TRIP12: variants seen among roughly 807,000 people sequenced by gnomAD.
The protein encoded by TRIP12 is thyroid hormone receptor interactor 12.
Under a neutral mutation model 244.2 loss-of-function variants are expected in TRIP12, and 25 were observed. The ratio of observed to expected loss-of-function variants is 0.10; its 90% CI spans 0.07 to 0.14. The LOEUF (loss-of-function observed/expected upper bound fraction) is 0.14, where lower values mean the gene tolerates loss of function less well. Ranked by LOEUF, TRIP12 falls within the 10% of genes least tolerant of loss-of-function variation. TRIP12 has a pLI of 1.00. For synonymous variants in TRIP12, 905 were observed against 873.1 expected (o/e 1.04, Z -0.64); for missense variants, 1,677 against 2,486.4 (o/e 0.67, Z 6.92).
intron 21 of TRIP12, among the ~76,000 whole-genome samples, chr2:229,799,647 C>CAT (rs2043747037): frequency 6.6e-6 from 1 of 151,854 alleles, no homozygotes; most frequent in African/African-American, 2.4e-5. Context: ...TGGTGGCGGG[C>CAT]GCCTGTAGTC....
chr2:229,771,440 C>A, intron 39 of TRIP12, 79 bp downstream of exon 39: 4 of 1,235,154 alleles, frequency 3.2e-6, no homozygotes, highest in Non-Finnish European at 4.6e-6. Context: ...TGCAACAATA[C>A]GGTCTTTGAC....
intron 1 of TRIP12, among the ~76,000 whole-genome samples, chr2:229,893,343 T>A (rs1192460995): frequency 3.9e-5 from 6 of 152,208 alleles, no homozygotes; most frequent in Non-Finnish European, 7.3e-5. Context: ...AAGTGTTAAG[T>A]GTAAAATTCA....
Position 229,789,771 on chromosome 2 carries a change from C to T in TRIP12, c.4544-9G>A, listed in dbSNP as rs750881127. On this transcript the variant is annotated splice_polypyrimidine_tract_variant and intron_variant, in intron 30 of 41. Coordinates refer to ENST00000675903, the MANE Select transcript of TRIP12 (RefSeq NM_001348323.3). ...TGATGGGCACACTCCATCTAAAGGA[C>T]AAAAGATCAAAGTAAGTTTTGATCA... 8 of 1,612,566 alleles carry T rather than the reference C, an allele frequency of 5.0e-6. No homozygotes were observed. Among genetic ancestry groups the T allele is most frequent in the Admixed American group, 1.7e-5 (1 of 59,914 alleles).
intron 1 of TRIP12, among the ~76,000 whole-genome samples, chr2:229,897,995 G>A (rs2069382797): frequency 6.6e-6 from 1 of 152,176 alleles, no homozygotes; most frequent in African/African-American, 2.4e-5. Context: ...TACCTAGATT[G>A]TAAAACCTAA....
At chr2:229,896,483 C>T (rs750289126) in intron 1 of TRIP12, among the ~76,000 whole-genome samples, 3 of 151,976 alleles carry the variant, frequency 2.0e-5, no homozygotes, top group Non-Finnish European at 4.4e-5. Flanking sequence ...ACTAAAAATA[C>T]AAAAATTAGC....
At chr2:229,921,472 C>CT (rs1285724447) in intron 1 of TRIP12, 1 of 148,606 alleles carries the variant, frequency 6.7e-6, no homozygotes, top group African/African-American at 2.5e-5. Flanking sequence ...CGGCCCCCCA[C>CT]TTTCTCTCTT....
chr2:229,860,370 C>A (rs760739427), intron 3 of TRIP12, 36 bp downstream of exon 3: 5 of 1,577,206 alleles, frequency 3.2e-6, no homozygotes, highest in Non-Finnish European at 4.3e-6. Flanking sequence ...GCAAATAATT[C>A]TGCCTTGAAA....
At chr2:229,864,183 C>A (rs941257309) in intron 2 of TRIP12, among the ~76,000 whole-genome samples, 8 of 151,880 alleles carry the variant, frequency 5.3e-5, no homozygotes, top group Non-Finnish European at 1.0e-4. Flanking sequence ...TAAAAATAAC[C>A]GGGCTGATAT....
intron 1 of TRIP12, among the ~76,000 whole-genome samples, chr2:229,909,943 C>T (rs1009094057): frequency 2.0e-5 from 3 of 152,170 alleles, no homozygotes; most frequent in Admixed American, 2.0e-4. Context: ...ACTGACATGC[C>T]TTAAATGATT....
In TRIP12 at chr2:229,767,375, C is replaced by T; in HGVS notation, c.*179G>A. The T allele has an allele frequency of 1.7e-6, 1 of 604,100 alleles. No individual in the cohort carries two copies. Among genetic ancestry groups the T allele is most frequent in the Non-Finnish European group, 2.6e-6 (1 of 390,414 alleles). The allele number at this position is 604,100 out of a possible 1,614,324, so 37.4% of individuals were successfully genotyped here. ...ACAACAACGTTTTAGGGCCTGATCA[C>T]TTTAAGTCCATGGGGCCATTAATGA... On this transcript the variant is annotated 3_prime_UTR_variant, in exon 42 of 42. Transcript: ENST00000675903.
chr2:229,879,737 A>G (rs999312520), intron 2 of TRIP12, among the ~76,000 whole-genome samples: 1 of 152,230 alleles, frequency 6.6e-6, no homozygotes, highest in African/African-American at 2.4e-5. Context: ...AACATGACAC[A>G]CCACATGCTA....
intron 4 of TRIP12, among the ~76,000 whole-genome samples, chr2:229,857,694 C>G (rs575179040): frequency 6.6e-6 from 1 of 152,018 alleles, no homozygotes; most frequent in East Asian, 1.9e-4. Flanking sequence ...CCCAGATGAG[C>G]AGCTGGTTCC....
chr2:229,884,452 G>T (rs1181286774), intron 1 of TRIP12, among the ~76,000 whole-genome samples: 1 of 151,814 alleles, frequency 6.6e-6, no homozygotes, highest in Admixed American at 6.6e-5. Flanking sequence ...GGCCAGGCTG[G>T]TCTTGAACTC....
chr2:229,872,033 T>C (rs2062694796), intron 2 of TRIP12, among the ~76,000 whole-genome samples: 1 of 147,202 alleles, frequency 6.8e-6, no homozygotes, highest in Non-Finnish European at 1.5e-5. Flanking sequence ...ATATGCATAA[T>C]TGATATATCT....
At chr2:229,907,388 T>C (rs1394064785) in intron 1 of TRIP12, among the ~76,000 whole-genome samples, 1 of 152,200 alleles carries the variant, frequency 6.6e-6, no homozygotes, top group East Asian at 1.9e-4. Context: ...GCAGAGTCCA[T>C]AACACTCGCA....
rs2040968362 is a variant in TRIP12 at position 229,789,791 on chromosome 2, T to C, written c.4544-29A>G. 19 of 1,611,662 alleles carry C rather than the reference T, an allele frequency of 1.2e-5. No homozygotes were observed. The East Asian group carries it at 4.0e-4, about 34-fold the overall frequency. Reference sequence around the variant, plus strand: ...AAGGACAAAAGATCAAAGTAAGTTTTGATCAAAGTTAGAAAGGCTAAGCCA... The same window carrying C: ...AAGGACAAAAGATCAAAGTAAGTTTCGATCAAAGTTAGAAAGGCTAAGCCA... On this transcript the variant is annotated intron_variant, in intron 30 of 41. Transcript: ENST00000675903.
chr2:229,821,323 C>T (rs148598328), intron 8 of TRIP12, among the ~76,000 whole-genome samples: 55 of 152,186 alleles, frequency 3.6e-4, no homozygotes, highest in African/African-American at 1.3e-3. Flanking sequence ...TAGTTTTGAC[C>T]TTATAGAACT....
At chr2:229,812,406 A>AC (rs2047489210) in intron 13 of TRIP12, among the ~76,000 whole-genome samples, 1 of 152,206 alleles carries the variant, frequency 6.6e-6, no homozygotes, top group African/African-American at 2.4e-5. Context: ...AAAAATAAAC[A>AC]CATAAACAGA....
chr2:229,880,859 G>A (rs1179011412), intron 1 of TRIP12, among the ~76,000 whole-genome samples: 3 of 152,140 alleles, frequency 2.0e-5, no homozygotes, highest in African/African-American at 4.8e-5. Flanking sequence ...CAGGAGAATC[G>A]CTCGAACCCG....
Sources: gnomAD v4.1 joint callset for allele counts (sites outside exome capture counted in the v4.1 genomes callset) on GRCh38, gnomAD v4.1.1 for gene constraint, MANE v1.5 for transcripts, NCBI Gene and HGNC (gene_info 2026-07-23, HGNC 2026-07-21) for gene names.